The following COG5 variants were observed in gnomAD, a reference collection of about 807,000 sequenced individuals.
COG5 encodes component of oligomeric golgi complex 5.
In COG5, 86 loss-of-function variants were observed where a neutral mutation model predicts 110.4. The ratio of observed to expected loss-of-function variants is 0.78; its 90% CI spans 0.65 to 0.93. The LOEUF (loss-of-function observed/expected upper bound fraction) is 0.93. Ranked by LOEUF, COG5 falls within the 40% of genes least tolerant of loss-of-function variation. The probability of loss-of-function intolerance (pLI) is 0.00; values close to 1 mark genes in which losing one functional copy is unlikely to be tolerated. For missense variants in COG5, 1,077 were observed against 987.0 expected, an observed-to-expected ratio of 1.09 and a Z score of -1.22; for synonymous variants, 360 against 334.6, an observed-to-expected ratio of 1.08 and a Z score of -0.83.
intron 19 of COG5, among the ~76,000 whole-genome samples, chr7:107,219,945 C>G (rs1459154034): frequency 6.6e-6 from 1 of 152,138 alleles, no homozygotes; most frequent in Non-Finnish European, 1.5e-5. Flanking sequence ...ATACAATAAA[C>G]AAATATATGT....
At chr7:107,442,583 T>C (rs1011323786) in intron 6 of COG5, among the ~76,000 whole-genome samples, 1 of 149,992 alleles carries the variant, frequency 6.7e-6, no homozygotes, top group African/African-American at 2.5e-5. Context: ...CATATATGCC[T>C]CTGGCTACAT....
intron 14 of COG5, 39 bp from the exon 15 acceptor site, chr7:107,258,422 T>C (rs757376352): frequency 4.3e-6 from 5 of 1,166,384 alleles, no homozygotes; most frequent in Non-Finnish European, 6.5e-6. Context: ...GTCAGAATGA[T>C]AATTCTCTCT....
chr7:107,421,483 T>C (rs548607671), intron 6 of COG5, among the ~76,000 whole-genome samples: 2 of 152,276 alleles, frequency 1.3e-5, no homozygotes, highest in African/African-American at 4.8e-5. Flanking sequence ...TGTAAAAGAA[T>C]TGAAATAATA....
chr7:107,543,172 C>T (rs1340924259), intron 5 of COG5, among the ~76,000 whole-genome samples: 2 of 152,198 alleles, frequency 1.3e-5, no homozygotes, highest in East Asian at 3.9e-4. Context: ...TATCCATACA[C>T]AAAAACATCT....
At chr7:107,321,210 CAT>C (rs1809239549) in intron 11 of COG5, among the ~76,000 whole-genome samples, 1 of 151,902 alleles carries the variant, frequency 6.6e-6, no homozygotes, top group African/African-American at 2.4e-5. Context: ...GAAAAAATAA[CAT>C]ATAGAATAGC....
intron 10 of COG5, among the ~76,000 whole-genome samples, chr7:107,340,272 A>G (rs1175268611): frequency 6.6e-6 from 1 of 152,174 alleles, no homozygotes; most frequent in African/African-American, 2.4e-5. Context: ...TAGAAAATCT[A>G]GAGGAAATGA....
chr7:107,529,221 A>G (rs1033514135), intron 5 of COG5, among the ~76,000 whole-genome samples: 99 of 152,278 alleles, frequency 6.5e-4, no homozygotes, highest in African/African-American at 2.2e-3. Context: ...CACTTAACAA[A>G]AACAATCACT....
chr7:107,563,585 A>G, intron 1 of COG5: 1 of 598,960 alleles, frequency 1.7e-6, no homozygotes, highest in Non-Finnish European at 3.0e-6. Flanking sequence ...AACACACAGA[A>G]ACCAAGTGTC....
At chr7:107,320,681 T>TA (rs1023917257) in intron 11 of COG5, among the ~76,000 whole-genome samples, 8 of 152,180 alleles carry the variant, frequency 5.3e-5, no homozygotes, top group African/African-American at 1.4e-4. Flanking sequence ...TCTAGTATCT[T>TA]AAAGGATAAG....
intron 6 of COG5, among the ~76,000 whole-genome samples, chr7:107,454,487 T>C (rs777807518): frequency 3.3e-5 from 5 of 152,202 alleles, no homozygotes; most frequent in Admixed American, 1.3e-4. Flanking sequence ...AGTAATCTTA[T>C]TCTTTAAAGT....
intron 11 of COG5, among the ~76,000 whole-genome samples, chr7:107,320,200 T>C (rs1042640345): frequency 2.0e-5 from 3 of 152,256 alleles, no homozygotes; most frequent in African/African-American, 7.2e-5. Context: ...GTTATATAAA[T>C]AGTAGAAGAC....
chr7:107,356,309 GAATT>G (rs1812620542), intron 10 of COG5, among the ~76,000 whole-genome samples: 2 of 152,234 alleles, frequency 1.3e-5, no homozygotes, highest in Admixed American at 6.5e-5. Flanking sequence ...ACTTGATATG[GAATT>G]AATAATGTAA....
At chr7:107,351,440 A>G (rs1371026257) in intron 10 of COG5, among the ~76,000 whole-genome samples, 1 of 152,222 alleles carries the variant, frequency 6.6e-6, no homozygotes, top group African/African-American at 2.4e-5. Flanking sequence ...GATGGCAACA[A>G]AAGCCAAAAT....
At chr7:107,224,908 TA>T (rs1458489965) in intron 19 of COG5, among the ~76,000 whole-genome samples, 1 of 152,238 alleles carries the variant, frequency 6.6e-6, no homozygotes, top group Non-Finnish European at 1.5e-5. Flanking sequence ...ATGTAGACAG[TA>T]AAATGTAAAT....
rs759416008 is a variant in COG5, at chr7:107,474,934, A to G, written c.538+52303T>C. 8.7e-6 allele frequency: 14 copies of G among 1,612,988 alleles called. No individual in the cohort carries two copies. Among genetic ancestry groups the G allele is most frequent in the Non-Finnish European group, 1.2e-5 (14 of 1,179,450 alleles). On this transcript the variant is annotated intron_variant, in intron 6 of 21. Transcript: ENST00000297135. The surrounding 1 kb of genome is among the most constrained non-coding windows in gnomAD (Gnocchi z 5.7). ...TGTAAGAACTTCAGTTTCTGTAATA[A>G]TTGCCCTCCGGCGAGCTGTGAAACG...
intron 11 of COG5, among the ~76,000 whole-genome samples, chr7:107,299,631 C>T (rs1807062668): frequency 6.6e-6 from 1 of 151,396 alleles, no homozygotes; most frequent in Admixed American, 6.6e-5. Flanking sequence ...ATACCAATTC[C>T]CAATTCATTC....
intron 10 of COG5, among the ~76,000 whole-genome samples, chr7:107,350,034 T>C (rs1811997647): frequency 6.6e-6 from 1 of 152,208 alleles, no homozygotes; most frequent in African/African-American, 2.4e-5. Flanking sequence ...TTTCATTAGG[T>C]TGAGAAAGCT....
intron 6 of COG5, among the ~76,000 whole-genome samples, chr7:107,494,795 T>C (rs1196737624): frequency 6.6e-6 from 1 of 152,164 alleles, no homozygotes; most frequent in Non-Finnish European, 1.5e-5. Flanking sequence ...CTGGTCATTT[T>C]TGTCTAATGG....
chr7:107,330,090 T>G (rs1810109872), intron 10 of COG5, among the ~76,000 whole-genome samples: 1 of 152,224 alleles, frequency 6.6e-6, no homozygotes, highest in Non-Finnish European at 1.5e-5. Context: ...AGATTTGAAC[T>G]GGAAGGATAT....
Sources: gnomAD v4.1 joint callset for allele counts (sites outside exome capture counted in the v4.1 genomes callset) on GRCh38, gnomAD v4.1.1 for gene constraint, Gnocchi (gnomAD v3.1) non-coding constraint, MANE v1.5 for transcripts, NCBI Gene and HGNC (gene_info 2026-07-23, HGNC 2026-07-21) for gene names.